The following FRMD3 variants were observed in gnomAD, a reference collection of about 807,000 sequenced individuals.
FRMD3 encodes FERM domain-containing protein 3.
Under a neutral mutation model 70.2 loss-of-function variants are expected in FRMD3, and 33 were observed. The ratio of observed to expected loss-of-function variants is 0.47; its 90% CI spans 0.36 to 0.63. FRMD3 has a LOEUF of 0.63. Ranked by LOEUF, FRMD3 falls within the 20% of genes least tolerant of loss-of-function variation. FRMD3 has a pLI of 0.00. For synonymous variants in FRMD3, 279 were observed against 255.9 expected, an observed-to-expected ratio of 1.09 and a Z score of -0.86; for missense variants, 632 against 711.4, an observed-to-expected ratio of 0.89 and a Z score of 1.27.
intron 10 of FRMD3, among the ~76,000 whole-genome samples, chr9:83,302,073 C>T (rs1834949644): frequency 6.6e-6 from 1 of 152,102 alleles, no homozygotes; most frequent in Non-Finnish European, 1.5e-5. Flanking sequence ...TCAAATGACA[C>T]CCATGCACTG....
At chr9:83,471,550 C>T (rs1407843408) in intron 1 of FRMD3, among the ~76,000 whole-genome samples, 2 of 152,120 alleles carry the variant, frequency 1.3e-5, no homozygotes, top group Non-Finnish European at 2.9e-5. Flanking sequence ...GCTGGATGAG[C>T]AGGTCCAGGA....
chr9:83,376,917 C>T (rs1210089137), intron 2 of FRMD3, among the ~76,000 whole-genome samples: 1 of 151,784 alleles, frequency 6.6e-6, no homozygotes, highest in Admixed American at 6.6e-5. Context: ...CCAATATGAT[C>T]CTAGGGGTGC....
chr9:83,247,449 A>C lies in FRMD3; in HGVS notation c.*469T>G, dbSNP rs927885476. The C allele has an allele frequency of 2.0e-6, 2 of 983,832 alleles. No homozygotes were observed. The highest frequency in any genetic ancestry group is 6.2e-5 in the Admixed American group (1 of 16,256). The allele number at this position is 983,832 out of a possible 1,614,324, so 60.9% of individuals were successfully genotyped here. On this transcript the variant is annotated 3_prime_UTR_variant, in exon 14 of 14. Coordinates refer to ENST00000304195, the MANE Select transcript of FRMD3 (RefSeq NM_174938.6). Reference sequence around the variant, plus strand: ...CACATAAAAATATTTTTAAAAAAACAGAACCAAAAACCCAGCATAAATTTA... The same window carrying C: ...CACATAAAAATATTTTTAAAAAAACCGAACCAAAAACCCAGCATAAATTTA...
chr9:83,272,824 C>T (rs1342342257), intron 13 of FRMD3, among the ~76,000 whole-genome samples: 10 of 151,646 alleles, frequency 6.6e-5, no homozygotes, highest in Admixed American at 6.6e-5. Context: ...CGCCTCTGCC[C>T]GGCCACGACC....
intron 2 of FRMD3, among the ~76,000 whole-genome samples, chr9:83,383,931 T>A (rs1365063899): frequency 6.6e-6 from 1 of 152,216 alleles, no homozygotes; most frequent in African/African-American, 2.4e-5. Context: ...GAGCCATCCT[T>A]TTAGTTAAAG....
At chr9:83,368,761 T>C (rs1321534702) in intron 3 of FRMD3, among the ~76,000 whole-genome samples, 3 of 152,232 alleles carry the variant, frequency 2.0e-5, no homozygotes, top group Non-Finnish European at 4.4e-5. Flanking sequence ...TAACATTTTG[T>C]GTCATTAGAT....
At chr9:83,338,246 G>T (rs1823643065) in intron 5 of FRMD3, among the ~76,000 whole-genome samples, 1 of 152,180 alleles carries the variant, frequency 6.6e-6, no homozygotes, top group South Asian at 2.1e-4. Flanking sequence ...CTAGGAAGTT[G>T]GCAGAGACAC....
At chr9:83,581,485 T>C in the FRMD3 span, among the ~76,000 whole-genome samples, 3 of 152,154 alleles carry the variant, frequency 2.0e-5, no homozygotes, top group Admixed American at 1.3e-4. Context: ...TGTGGAGTGA[T>C]TGGAACCCTA....
intron 3 of FRMD3, among the ~76,000 whole-genome samples, chr9:83,359,411 A>G (rs1288761728): frequency 6.6e-6 from 1 of 152,168 alleles, no homozygotes; most frequent in East Asian, 1.9e-4. Context: ...GCTGCGTCCA[A>G]ACTTAAAACT....
At chr9:83,269,850 C>G (rs948236730) in intron 13 of FRMD3, among the ~76,000 whole-genome samples, 1 of 152,166 alleles carries the variant, frequency 6.6e-6, no homozygotes, top group Non-Finnish European at 1.5e-5. Flanking sequence ...TCACTCTTTA[C>G]GCTACTTTTC....
chr9:83,265,132 GGCTCAT>G (rs1182947339), intron 13 of FRMD3, among the ~76,000 whole-genome samples: 1 of 152,078 alleles, frequency 6.6e-6, no homozygotes, highest in African/African-American at 2.4e-5. Context: ...CAGGTGCGGT[GGCTCAT>G]GCCTGTAATC....
chr9:83,390,150 G>T (rs1294705174), intron 1 of FRMD3, among the ~76,000 whole-genome samples: 1 of 152,142 alleles, frequency 6.6e-6, no homozygotes, highest in African/African-American at 2.4e-5. Flanking sequence ...CTACCAGGAA[G>T]GTTCTCATTT....
chr9:83,315,056 T>G lies in FRMD3; in HGVS notation c.597-1309A>C, dbSNP rs574294979. The stretch of plus-strand genomic sequence containing the variant: ...TGCTGCTTCTGTCATTGATATGTTT[T>G]TTTTTTAAATATCAATGAAATATTT... On this transcript the variant is annotated intron_variant, in intron 6 of 13. Transcript: ENST00000304195. 6.6e-5 allele frequency among the ~76,000 whole-genome samples: 10 copies of G among 152,342 alleles called. No homozygotes were observed. In the East Asian group the frequency reaches 1.2e-3, roughly 18 times the overall value.
chr9:83,376,461 T>C (rs1448889575), intron 2 of FRMD3, among the ~76,000 whole-genome samples: 1 of 152,164 alleles, frequency 6.6e-6, no homozygotes, highest in Non-Finnish European at 1.5e-5. Flanking sequence ...AAAAGTGAAC[T>C]GAAAAATTTA....
chr9:83,337,341 T>C (rs1180923959), intron 5 of FRMD3, among the ~76,000 whole-genome samples: 3 of 152,178 alleles, frequency 2.0e-5, no homozygotes, highest in South Asian at 2.1e-4. Context: ...ATGTACTTCA[T>C]GATTCTTCAG....
intron 6 of FRMD3, among the ~76,000 whole-genome samples, chr9:83,326,627 C>A (rs573447732): frequency 3.4e-4 from 52 of 152,204 alleles, no homozygotes; most frequent in African/African-American, 1.2e-3. Flanking sequence ...ATACTAAGAT[C>A]AATTAAATAG....
chr9:83,343,132 G>T, intron 5 of FRMD3, 58 bp downstream of exon 5: 1 of 1,253,918 alleles, frequency 8.0e-7, no homozygotes, highest in Non-Finnish European at 1.2e-6. Context: ...AGGGAGGCTT[G>T]AAACAGCCAG....
intron 6 of FRMD3, among the ~76,000 whole-genome samples, chr9:83,321,886 G>T (rs1835816267): frequency 6.6e-6 from 1 of 152,092 alleles, no homozygotes; most frequent in Non-Finnish European, 1.5e-5. Flanking sequence ...ATCTAGAATT[G>T]TTATATCCTC....
intron 6 of FRMD3, among the ~76,000 whole-genome samples, chr9:83,329,947 G>A (rs11140032): frequency 0.33 from 49,974 of 152,068 alleles, 8,474 homozygotes; most frequent in African/African-American, 0.39. Flanking sequence ...TATGGTAAAA[G>A]CAATCTTATT....
Sources: allele counts gnomAD v4.1 joint callset (sites outside exome capture counted in the v4.1 genomes callset), GRCh38; gene constraint gnomAD v4.1.1; transcripts MANE v1.5; gene names NCBI Gene and HGNC (gene_info 2026-07-23, HGNC 2026-07-21).